Variants in CSMD1 observed in about 807,000 individuals in gnomAD.
CSMD1 encodes CUB and sushi domain-containing protein 1.
Under a neutral mutation model 417.5 loss-of-function variants are expected in CSMD1, and 213 were observed. That is an observed-to-expected ratio of 0.51 (90% confidence interval 0.46 to 0.57). The LOEUF (loss-of-function observed/expected upper bound fraction) is 0.57, where lower values mean the gene tolerates loss of function less well. Among genes scored for constraint, CSMD1 ranks in the 20% least tolerant of loss-of-function variants. The pLI is 0.00. For missense variants in CSMD1, 6,923 were observed against 4,529.7 expected (o/e 1.53, Z -15.17); for synonymous variants, 2,862 against 1,736.8 (o/e 1.65, Z -16.11).
intron 5 of CSMD1, among the ~76,000 whole-genome samples, chr8:3,989,471 G>C (rs539664952): frequency 1.3e-5 from 2 of 152,278 alleles, no homozygotes; most frequent in African/African-American, 2.4e-5. Context: ...TGGTAACACA[G>C]ACAAAAAACC....
rs867738986 is a variant in CSMD1, at chr8:4,396,498, A to G, written c.415+23455T>C. ...CTGCAATGGGAATTGCACTGGATTT[A>G]TCGATTGCCAAAAGCATACGAAGAA... On this transcript the variant is annotated intron_variant, in intron 3 of 69. Transcript: ENST00000635120. 2.0e-5 allele frequency among the ~76,000 whole-genome samples: 3 copies of G among 152,104 alleles called. No homozygotes were observed. In the East Asian group the frequency reaches 5.8e-4, roughly 29 times the overall value.
intron 7 of CSMD1, among the ~76,000 whole-genome samples, chr8:3,653,507 C>T (rs1024409311): frequency 6.6e-6 from 1 of 152,160 alleles, no homozygotes; most frequent in Non-Finnish European, 1.5e-5. Context: ...TAGGGTTTCA[C>T]CATGTTGGCC....
At chr8:4,462,604 C>A (rs982346450) in intron 2 of CSMD1, among the ~76,000 whole-genome samples, 1 of 152,134 alleles carries the variant, frequency 6.6e-6, no homozygotes, top group Non-Finnish European at 1.5e-5. Context: ...TAGGAAACCG[C>A]ATTGATCATG....
intron 5 of CSMD1, among the ~76,000 whole-genome samples, chr8:3,984,580 T>C (rs1814162711): frequency 6.6e-6 from 1 of 151,306 alleles, no homozygotes; most frequent in South Asian, 2.1e-4. Flanking sequence ...CCAAGTACAA[T>C]ATTTGGATTC....
At chr8:3,417,234 G>T (rs923382073) in intron 12 of CSMD1, among the ~76,000 whole-genome samples, 3 of 152,146 alleles carry the variant, frequency 2.0e-5, no homozygotes, top group Admixed American at 6.5e-5. Context: ...TAAATAAGAG[G>T]GACCTTTAAA....
chr8:4,876,197 T>C (rs1330898534), intron 1 of CSMD1, among the ~76,000 whole-genome samples: 1 of 152,074 alleles, frequency 6.6e-6, no homozygotes, highest in Non-Finnish European at 1.5e-5. Context: ...TTTACCTAAA[T>C]ATGTAGGCCA....
intron 3 of CSMD1, among the ~76,000 whole-genome samples, chr8:4,134,277 C>G (rs13252359): frequency 0.29 from 43,649 of 152,066 alleles, 7,953 homozygotes; most frequent in Non-Finnish European, 0.39. Flanking sequence ...CAAAATGTGA[C>G]TGTATTTGAG....
intron 1 of CSMD1, among the ~76,000 whole-genome samples, chr8:4,697,144 C>T (rs965254785): frequency 6.6e-6 from 1 of 151,962 alleles, no homozygotes; most frequent in Admixed American, 6.6e-5. Context: ...TGCACTACAG[C>T]CTGGGCAACA....
intron 62 of CSMD1, among the ~76,000 whole-genome samples, chr8:2,960,555 G>T (rs898021957): frequency 6.6e-6 from 1 of 152,060 alleles, no homozygotes; most frequent in Non-Finnish European, 1.5e-5. Flanking sequence ...TTTCTCCAAC[G>T]TTCACTGAAG....
At chr8:3,776,943 A>T (rs1016922280) in intron 5 of CSMD1, among the ~76,000 whole-genome samples, 1 of 151,804 alleles carries the variant, frequency 6.6e-6, no homozygotes, top group Non-Finnish European at 1.5e-5. Flanking sequence ...TCAACTCTTG[A>T]TCTCAAGTGA....
chr8:4,802,348 C>CGT (rs758889153), intron 1 of CSMD1, among the ~76,000 whole-genome samples: 4 of 140,690 alleles, frequency 2.8e-5, no homozygotes, highest in African/African-American at 9.0e-5. Context: ...TGAGTGTGTG[C>CGT]GCGCGTGTGT....
intron 3 of CSMD1, among the ~76,000 whole-genome samples, chr8:4,419,146 T>G (rs1322995551): frequency 2.6e-5 from 4 of 152,226 alleles, no homozygotes; most frequent in Non-Finnish European, 5.9e-5. Flanking sequence ...CAGTGTGTGT[T>G]GTAAATAGGA....
At chr8:4,798,162 C>A (rs771048285) in intron 1 of CSMD1, among the ~76,000 whole-genome samples, 1 of 152,172 alleles carries the variant, frequency 6.6e-6, no homozygotes, top group Non-Finnish European at 1.5e-5. Flanking sequence ...TCCCTCCCCA[C>A]TTCCCCCACC....
chr8:4,061,081 G>T (rs184424917), intron 3 of CSMD1, among the ~76,000 whole-genome samples: 14 of 152,124 alleles, frequency 9.2e-5, no homozygotes, highest in Admixed American at 6.5e-4. Context: ...TTTGTTTGTT[G>T]TATTATTTTT....
chr8:3,981,919 C>T (rs2130188516), intron 5 of CSMD1, among the ~76,000 whole-genome samples: 1 of 152,200 alleles, frequency 6.6e-6, no homozygotes, highest in Non-Finnish European at 1.5e-5. Flanking sequence ...TGCCTGTAAT[C>T]CCGGCACTTT....
At chr8:4,723,508 T>C (rs1332342586) in intron 1 of CSMD1, among the ~76,000 whole-genome samples, 3 of 152,130 alleles carry the variant, frequency 2.0e-5, no homozygotes, top group Admixed American at 1.3e-4. Flanking sequence ...ATTTTGTATC[T>C]TGTAGGATCT....
chr8:4,130,019 G>C (rs1714785), intron 3 of CSMD1, among the ~76,000 whole-genome samples: 147,136 of 152,206 alleles, frequency 0.97, 71,318 homozygotes, highest in South Asian at 1. Flanking sequence ...TTTCTTGTCA[G>C]AAGATTTTTA....
chr8:3,844,102 C>A (rs1803324476), intron 5 of CSMD1, among the ~76,000 whole-genome samples: 1 of 152,082 alleles, frequency 6.6e-6, no homozygotes, highest in Non-Finnish European at 1.5e-5. Flanking sequence ...GCCCCTCCTA[C>A]CATTTTTATT....
intron 3 of CSMD1, among the ~76,000 whole-genome samples, chr8:4,233,042 GAT>G (rs1317217738): frequency 6.6e-6 from 1 of 152,114 alleles, no homozygotes; most frequent in Non-Finnish European, 1.5e-5. Flanking sequence ...AAACCACAAG[GAT>G]ATGTTGCTCT....
Sources: allele counts gnomAD v4.1 joint callset (sites outside exome capture counted in the v4.1 genomes callset), GRCh38; gene constraint gnomAD v4.1.1; transcripts MANE v1.5; gene names NCBI Gene and HGNC (gene_info 2026-07-23, HGNC 2026-07-21).